The following SCYL2 variants were observed in gnomAD, a reference collection of about 807,000 sequenced individuals.
SCYL2 encodes SCY1 like pseudokinase 2.
SCYL2 carries 36 observed loss-of-function variants against 100.4 expected under a neutral mutation model. That is an observed-to-expected ratio of 0.36 (90% confidence interval 0.27 to 0.47). The LOEUF is 0.47. SCYL2 is among the 20% of genes least tolerant of loss of function. The pLI, the probability that SCYL2 is intolerant of heterozygous loss-of-function variation, is 1.00. For synonymous variants in SCYL2, 330 were observed against 359.2 expected (o/e 0.92, Z 0.92); for missense variants, 902 against 1,083.9 (o/e 0.83, Z 2.36).
chr12:100,303,953 T>C (rs1237418375), intron 4 of SCYL2, among the ~76,000 whole-genome samples: 1 of 152,196 alleles, frequency 6.6e-6, no homozygotes, highest in Non-Finnish European at 1.5e-5. Flanking sequence ...CATAGATGCC[T>C]GCCCAGAGAG....
Position 100,338,998 on chromosome 12 carries a change from A to G in SCYL2, c.2616A>G (p.Gln872=), listed in dbSNP as rs557795450. The change falls in exon 18 of 18, where the codon CAA becomes CAG. Residue 872 remains glutamine (Q), a synonymous_variant. Transcript: ENST00000360820. ...GGCTTAATCAGTTTGTACCTCCTCA[A>G]GGTTCTCCAACTATGGGCAGTTCAG... ...NQWLNQFVPP[Q]GSPTMGSSVM... 15 of 1,614,124 alleles carry G rather than the reference A, an allele frequency of 9.3e-6. No homozygotes were observed. Among genetic ancestry groups the G allele is most frequent in the South Asian group, 7.7e-5 (7 of 91,084 alleles).
At chr12:100,325,918 C>T (rs1592965964) in intron 11 of SCYL2, among the ~76,000 whole-genome samples, 1 of 151,890 alleles carries the variant, frequency 6.6e-6, no homozygotes, top group African/African-American at 2.4e-5. Flanking sequence ...CCCATTTTTC[C>T]TGTAGAACTA....
At chr12:100,304,984 G>C (rs1264662360) in intron 4 of SCYL2, among the ~76,000 whole-genome samples, 1 of 152,052 alleles carries the variant, frequency 6.6e-6, no homozygotes, top group African/African-American at 2.4e-5. Flanking sequence ...TCCAATACAG[G>C]AGCACCCAGA....
At chr12:100,294,629 T>C (rs1292765526) in intron 3 of SCYL2, among the ~76,000 whole-genome samples, 5 of 125,340 alleles carry the variant, frequency 4.0e-5, no homozygotes, top group South Asian at 2.8e-4. Context: ...GGCTCCTCAC[T>C]TCCCAGTAGG....
Position 100,267,240 on chromosome 12 carries a change from A to C in SCYL2, c.-581A>C. On this transcript the variant is annotated 5_prime_UTR_variant, in exon 1 of 18. Transcript: ENST00000360820. Reference sequence around the variant, plus strand: ...CTCCCCTCCCCACCCCTTTCCTTCTAGCTCCGACGTTTGCGGCCGCGGGGG... The same window carrying C: ...CTCCCCTCCCCACCCCTTTCCTTCTCGCTCCGACGTTTGCGGCCGCGGGGG... The C allele has an allele frequency of 1.4e-6, 1 of 705,592 alleles. No individual in the cohort carries two copies. The highest frequency in any genetic ancestry group is 2.2e-6 in the Non-Finnish European group (1 of 445,584). The allele number at this position is 705,592 out of a possible 1,614,324, so 43.7% of individuals were successfully genotyped here.
Position 100,274,882 on chromosome 12 carries a change from G to C in SCYL2, c.-29+7090G>C, listed in dbSNP as rs144500809. ...TTTTGACAATTTAGTAAAGCCTGTGGATCCCTTCTCACAGTAATATTCTAG... is the reference window on the plus strand; with the variant it reads ...TTTTGACAATTTAGTAAAGCCTGTGCATCCCTTCTCACAGTAATATTCTAG... On this transcript the variant is annotated intron_variant, in intron 1 of 17. Transcript: ENST00000360820. Among the ~76,000 whole-genome samples, 41 of 152,296 alleles carry C rather than the reference G, an allele frequency of 2.7e-4. No individual in the cohort carries two copies. The East Asian group carries it at 7.9e-3, about 29-fold the overall frequency.
At chr12:100,281,833 CAAAAAA>C (rs550669839) in intron 1 of SCYL2, among the ~76,000 whole-genome samples, 1 of 59,364 alleles carries the variant, frequency 1.7e-5, no homozygotes, top group Admixed American at 1.9e-4. Flanking sequence ...GACTCCGTCT[CAAAAAA>C]AAAAAAAAAA....
At chr12:100,338,388 C>T (rs1952307325) in intron 17 of SCYL2, 140 bp from the exon 18 acceptor site, 2 of 586,740 alleles carry the variant, frequency 3.4e-6, no homozygotes, top group Non-Finnish European at 5.5e-6. Context: ...ATTTGACCGG[C>T]AGGCTATAGT....
chr12:100,318,061 TATTG>T (rs1466579772), intron 10 of SCYL2, 136 bp downstream of exon 10: 1 of 767,066 alleles, frequency 1.3e-6, no homozygotes, highest in Non-Finnish European at 1.9e-6. Context: ...TGAATCACAT[TATTG>T]ATATACTGTA....
intron 2 of SCYL2, among the ~76,000 whole-genome samples, chr12:100,283,486 A>AG (rs901395998): frequency 1.3e-5 from 2 of 152,068 alleles, no homozygotes; most frequent in African/African-American, 4.8e-5. Context: ...TGTTTCTTAA[A>AG]TTTTCTTTTC....
At chr12:100,298,555 C>T (rs993262380) in intron 4 of SCYL2, among the ~76,000 whole-genome samples, 1 of 152,076 alleles carries the variant, frequency 6.6e-6, no homozygotes, top group African/African-American at 2.4e-5. Flanking sequence ...TTAGCCTTTT[C>T]TTTTCTTTTT....
chr12:100,334,416 G>T, intron 14 of SCYL2, 150 bp downstream of exon 14: 1 of 636,362 alleles, frequency 1.6e-6, no homozygotes, highest in Non-Finnish European at 2.8e-6. Context: ...ATGTTAATAA[G>T]TTGAACTGAA....
At position 100,313,547 on chromosome 12, in the gene SCYL2, A is replaced by C. The variant is rs369720529; in HGVS notation, c.969+9A>C. The C allele has an allele frequency of 5.6e-6, 8 of 1,441,180 alleles. No homozygotes were observed. In the South Asian group the frequency reaches 9.6e-5, roughly 17 times the overall value. 89.3% of individuals were successfully genotyped at this position (1,441,180 alleles called of 1,614,324 possible). ...CAGATCAAATGACAAAGGTGAGTAC[A>C]TGTGGATTTCTGCCTAAGATGGAGG... On this transcript the variant is annotated intron_variant, in intron 7 of 17. Coordinates refer to ENST00000360820, the MANE Select transcript of SCYL2 (RefSeq NM_017988.6).
In SCYL2 at chr12:100,291,637, C is replaced by A; in HGVS notation, c.312C>A (p.Val104=). The A allele has an allele frequency of 6.3e-7, 1 of 1,591,314 alleles. No homozygotes were observed. Among genetic ancestry groups the A allele is most frequent in the Non-Finnish European group, 8.5e-7 (1 of 1,173,182 alleles). Residue 104 remains valine (V), a synonymous_variant, in exon 3 of 18, where the codon GTC becomes GTA. Transcript: ENST00000360820. ...TTCGACACCCTCGACTTCTTACTGTCCAGCATCCTTTAGAAGAATCCAGGT... is the reference window on the plus strand; with the variant it reads ...TTCGACACCCTCGACTTCTTACTGTACAGCATCCTTTAGAAGAATCCAGGT... ...TRLRHPRLLT[V]QHPLEESRDC...
At chr12:100,312,086 T>C (rs1356170544) in intron 5 of SCYL2, among the ~76,000 whole-genome samples, 1 of 152,200 alleles carries the variant, frequency 6.6e-6, no homozygotes, top group Non-Finnish European at 1.5e-5. Context: ...ACATAGCTAA[T>C]TAGTGAAAGA....
chr12:100,334,314 A>C (rs572967416), intron 14 of SCYL2, 48 bp downstream of exon 14: 1 of 1,050,260 alleles, frequency 9.5e-7, no homozygotes, highest in Admixed American at 1.8e-5. Context: ...GTGAAATTAT[A>C]GTTGTCTTAT....
chr12:100,329,212 T>C lies in SCYL2; in HGVS notation c.1654T>C (p.Cys552Arg), dbSNP rs1256038969. ...TTCTTTTCTATCAGGTATTTACAAATGTACTTTTACTCATAAGAAGTTGGG... is the reference window on the plus strand; with the variant it reads ...TTCTTTTCTATCAGGTATTTACAAACGTACTTTTACTCATAAGAAGTTGGG... ...VLMGILGIYK[C>R]TFTHKKLGIT... is the part of the protein sequence containing the mutation. The change falls in exon 13 of 18, where the codon TGT becomes CGT. Residue 552 changes from cysteine to arginine, a missense_variant. Coordinates refer to ENST00000360820, the MANE Select transcript of SCYL2 (RefSeq NM_017988.6). 1 of 1,564,150 alleles carries C rather than the reference T, an allele frequency of 6.4e-7. No individual in the cohort carries two copies. Among genetic ancestry groups the C allele is most frequent in the Admixed American group, 1.7e-5 (1 of 59,894 alleles).
chr12:100,299,187 A>G (rs150644072), intron 4 of SCYL2, among the ~76,000 whole-genome samples: 1 of 152,232 alleles, frequency 6.6e-6, no homozygotes, highest in Non-Finnish European at 1.5e-5. Flanking sequence ...GTGAGCTATG[A>G]TAGTGCTACT....
At chr12:100,328,403 C>T (rs1202442071) in intron 12 of SCYL2, among the ~76,000 whole-genome samples, 6 of 152,128 alleles carry the variant, frequency 3.9e-5, no homozygotes, top group Admixed American at 2.0e-4. Context: ...ATGAGACTAA[C>T]GTCATTTTAG....
Sources: allele counts gnomAD v4.1 joint callset (sites outside exome capture counted in the v4.1 genomes callset), GRCh38; gene constraint gnomAD v4.1.1; transcripts MANE v1.5; gene names NCBI Gene and HGNC (gene_info 2026-07-23, HGNC 2026-07-21).